The following SCAP variants were observed in gnomAD, a reference collection of about 807,000 sequenced individuals.
SCAP encodes the protein sterol regulatory element-binding protein cleavage-activating protein.
A neutral mutation model predicts 123.6 loss-of-function variants in SCAP; 65 were observed. The observed-to-expected ratio is 0.53, with a 90% CI of 0.43 to 0.65. The LOEUF is 0.65. Among genes scored for constraint, SCAP ranks in the 30% least tolerant of loss-of-function variants. The pLI is 0.00. For synonymous variants in SCAP, 740 were observed against 726.3 expected, an observed-to-expected ratio of 1.02 and a Z score of -0.30; for missense variants, 1,398 against 1,712.5, an observed-to-expected ratio of 0.82 and a Z score of 3.24.
intron 1 of SCAP, among the ~76,000 whole-genome samples, chr3:47,461,264 T>A (rs1207906059): frequency 6.6e-6 from 1 of 152,212 alleles, no homozygotes; most frequent in East Asian, 1.9e-4. Context: ...TACATGGTGC[T>A]CATTCCCAAA....
In SCAP at chr3:47,443,041, C is replaced by T. The variant is rs777077539; in HGVS notation, c.-48G>A. 3 of 1,611,112 alleles carry T rather than the reference C, an allele frequency of 1.9e-6. No individual in the cohort carries two copies. Among genetic ancestry groups the T allele is most frequent in the Non-Finnish European group, 2.5e-6 (3 of 1,179,302 alleles). On this transcript the variant is annotated 5_prime_UTR_variant, in exon 2 of 23. An upstream open reading frame in the 5' UTR loses its in-frame stop. Transcript: ENST00000265565. Reference sequence around the variant, plus strand: ...GCCATCCCGGAAAGTGACCATGGATCACCCTGGCACACACTTGACAGCACT... The same window carrying T: ...GCCATCCCGGAAAGTGACCATGGATTACCCTGGCACACACTTGACAGCACT...
At chr3:47,428,906 C>T (rs1455076133) in intron 3 of SCAP, 1 of 453,916 alleles carries the variant, frequency 2.2e-6, no homozygotes, top group East Asian at 4.0e-5. Context: ...TAAGCTGGAA[C>T]CAAGATGGCC....
chr3:47,454,632 G>GGCAGGAGAATCGCTTGAAC (rs1392246362), intron 1 of SCAP, among the ~76,000 whole-genome samples: 7 of 152,024 alleles, frequency 4.6e-5, no homozygotes, highest in South Asian at 2.1e-4. Flanking sequence ...GGGTGGCTGA[G>GGCAGGAGAATCGCTTGAAC]GCAGGAGAAT....
intron 1 of SCAP, among the ~76,000 whole-genome samples, chr3:47,461,038 C>T (rs907967399): frequency 6.6e-6 from 1 of 152,118 alleles, no homozygotes; most frequent in South Asian, 2.1e-4. Flanking sequence ...ACTTCACCGG[C>T]CCCTTCCACC....
At position 47,414,169 on chromosome 3, in the gene SCAP, A is replaced by C; in HGVS notation, c.3594+11T>G. 6.2e-7 allele frequency: 1 copy of C among 1,613,594 alleles called. No individual in the cohort carries two copies. Among genetic ancestry groups the C allele is most frequent in the South Asian group, 1.1e-5 (1 of 91,084 alleles). ...AAATCCCAAGAATCCTATGATCCCC[A>C]TCCCCTCTACCTGCTGAATGGAGTA... On this transcript the variant is annotated intron_variant, in intron 22 of 22. Transcript: ENST00000265565.
At chr3:47,435,240 G>T in intron 2 of SCAP, 103 bp from the exon 3 acceptor site, 1 of 1,317,772 alleles carries the variant, frequency 7.6e-7, no homozygotes, top group Non-Finnish European at 1.0e-6. Context: ...ATTCTGTCAG[G>T]ACTGTACAAA....
chr3:47,414,755 C>T (rs529556888), intron 20 of SCAP, 72 bp downstream of exon 20: 631 of 1,602,904 alleles, frequency 3.9e-4, no homozygotes, highest in Non-Finnish European at 5.0e-4. Context: ...TCCAGCCTCT[C>T]CCTGACGAAT....
At chr3:47,436,482 A>G (rs1036088522) in intron 2 of SCAP, among the ~76,000 whole-genome samples, 3 of 152,006 alleles carry the variant, frequency 2.0e-5, no homozygotes, top group Non-Finnish European at 4.4e-5. Flanking sequence ...AAAATACAAA[A>G]AATTAGCTGG....
intron 1 of SCAP, among the ~76,000 whole-genome samples, chr3:47,448,482 CTTTT>C (rs1325278543): frequency 6.6e-6 from 1 of 151,936 alleles, no homozygotes; most frequent in African/African-American, 2.4e-5. Context: ...TTTCTCCTCT[CTTTT>C]TGAGACTTCA....
Position 47,417,301 on chromosome 3 carries a change from C to T in SCAP, c.2970+3G>A. 1 of 1,612,142 alleles carries T rather than the reference C, an allele frequency of 6.2e-7. No homozygotes were observed. The highest frequency in any genetic ancestry group is 1.1e-5 in the South Asian group (1 of 91,030). ...TCTGCCCACCTTTAGCCCCTCTGCC[C>T]ACCTCCAGCCGGCCGCTGCTCCGCC... On this transcript the variant is annotated splice_donor_region_variant and intron_variant, in intron 17 of 22. Coordinates refer to ENST00000265565, the MANE Select transcript of SCAP (RefSeq NM_012235.4).
intron 8 of SCAP, 77 bp downstream of exon 8, chr3:47,425,408 A>C (rs994326098): frequency 6.7e-7 from 1 of 1,497,504 alleles, no homozygotes; most frequent in Non-Finnish European, 9.0e-7. Context: ...AGTCCAGGGA[A>C]GGCCAAGAAC....
At chr3:47,421,239 T>G (rs1705886159) in intron 10 of SCAP, 3 of 593,840 alleles carry the variant, frequency 5.1e-6, no homozygotes, top group Non-Finnish European at 3.1e-6. Flanking sequence ...ACCCTCACAC[T>G]TTCTTCAGAA....
At chr3:47,438,139 T>G (rs944021702) in intron 2 of SCAP, among the ~76,000 whole-genome samples, 1 of 152,262 alleles carries the variant, frequency 6.6e-6, no homozygotes, top group African/African-American at 2.4e-5. Context: ...ATTTACTTAC[T>G]ACTGGCCACT....
chr3:47,429,369 T>C (rs1706270242), intron 3 of SCAP, among the ~76,000 whole-genome samples: 1 of 152,236 alleles, frequency 6.6e-6, no homozygotes, highest in Admixed American at 6.5e-5. Flanking sequence ...ATGCCTGTTT[T>C]TCTTTTTGAG....
At chr3:47,432,803 G>T (rs1192331734) in intron 3 of SCAP, among the ~76,000 whole-genome samples, 1 of 152,118 alleles carries the variant, frequency 6.6e-6, no homozygotes, top group Non-Finnish European at 1.5e-5. Flanking sequence ...TCAGTACTGG[G>T]ATTACAGGTA....
chr3:47,438,661 A>G (rs1706680130), intron 2 of SCAP, among the ~76,000 whole-genome samples: 1 of 152,020 alleles, frequency 6.6e-6, no homozygotes, highest in South Asian at 2.1e-4. Flanking sequence ...TAAAAAAACA[A>G]AAATTGGCCG....
rs997386954 is a variant in SCAP, at chr3:47,418,543, C to T, written c.2130-21G>A. 2.5e-6 allele frequency: 4 copies of T among 1,573,244 alleles called. No individual in the cohort carries two copies. In the African/African-American group the frequency reaches 5.4e-5, roughly 21 times the overall value. Reference sequence around the variant, plus strand: ...CCACCCTGCACGGGAGGGCGGACTGCTGTGAGACACACCTCACAGCCTGTC... The same window carrying T: ...CCACCCTGCACGGGAGGGCGGACTGTTGTGAGACACACCTCACAGCCTGTC... On this transcript the variant is annotated intron_variant, in intron 14 of 22. Coordinates refer to ENST00000265565, the MANE Select transcript of SCAP (RefSeq NM_012235.4).
intron 8 of SCAP, among the ~76,000 whole-genome samples, chr3:47,424,778 T>C (rs1209218413): frequency 6.6e-6 from 1 of 152,158 alleles, no homozygotes; most frequent in Non-Finnish European, 1.5e-5. Flanking sequence ...AAATACGACG[T>C]CGCTTTTCAT....
intron 3 of SCAP, among the ~76,000 whole-genome samples, chr3:47,434,698 G>A (rs1198427765): frequency 6.6e-6 from 1 of 152,156 alleles, no homozygotes; most frequent in South Asian, 2.1e-4. Context: ...TTAGTTGGGC[G>A]TGGTGGCGCA....
Sources: gnomAD v4.1 joint callset for allele counts (sites outside exome capture counted in the v4.1 genomes callset) on GRCh38, gnomAD v4.1.1 for gene constraint, MANE v1.5 for transcripts, NCBI Gene and HGNC (gene_info 2026-07-23, HGNC 2026-07-21) for gene names.